The following ANKRD22 variants were observed in gnomAD, a reference collection of about 807,000 sequenced individuals.
The protein encoded by ANKRD22 is ankyrin repeat domain 22, also known as ankyrin repeat domain-containing protein 22.
Under a neutral mutation model 25.7 loss-of-function variants are expected in ANKRD22, and 24 were observed. The observed-to-expected ratio is 0.93, with a 90% CI of 0.68 to 1.31. ANKRD22 has a LOEUF of 1.31. ANKRD22 is among the 50% of genes most tolerant of loss of function. ANKRD22 has a pLI of 0.00. For missense variants in ANKRD22, 214 were observed against 227.1 expected, an observed-to-expected ratio of 0.94 and a Z score of 0.37; for synonymous variants, 84 against 84.3, an observed-to-expected ratio of 1.00 and a Z score of 0.02.
chr10:88,828,848 C>T (rs1178721478), intron 2 of ANKRD22, among the ~76,000 whole-genome samples, 182 bp from the exon 3 acceptor site: 1 of 151,984 alleles, frequency 6.6e-6, no homozygotes, highest in Non-Finnish European at 1.5e-5. Context: ...AGAACTCGGT[C>T]CAGTGTAAAG....
At chr10:88,823,072 C>G in intron 5 of ANKRD22, 54 bp from the exon 6 acceptor site, 2 of 1,547,582 alleles carry the variant, frequency 1.3e-6, no homozygotes, top group African/African-American at 1.4e-5. Context: ...AGATCTCGTA[C>G]GTAGCTTAGA....
At chr10:88,826,211 C>G (rs975222238) in intron 3 of ANKRD22, 96 bp from the exon 4 acceptor site, 3 of 1,023,596 alleles carry the variant, frequency 2.9e-6, no homozygotes, top group Non-Finnish European at 4.4e-6. Context: ...ATTTTAATCC[C>G]AACACTCCTA....
intron 2 of ANKRD22, among the ~76,000 whole-genome samples, chr10:88,830,491 T>A (rs187289667): frequency 1.3e-5 from 2 of 152,170 alleles, no homozygotes; most frequent in African/African-American, 4.8e-5. Flanking sequence ...ATTTCAGACA[T>A]GAGAAATCAC....
Position 88,840,529 on chromosome 10 carries a change from G to A in ANKRD22, c.22-8503C>T, listed in dbSNP as rs895488583. Among the ~76,000 whole-genome samples, 3 of 152,144 alleles carry A rather than the reference G, an allele frequency of 2.0e-5. No homozygotes were observed. In the East Asian group the frequency reaches 5.8e-4, roughly 29 times the overall value. The stretch of plus-strand genomic sequence containing the variant: ...TTCTGTAATTCCCAATCTAAGGAAA[G>A]ACTGTGTAGAACTTTGCCTGTGGCT... On this transcript the variant is annotated intron_variant, in intron 1 of 5. Coordinates refer to ENST00000371930, the MANE Select transcript of ANKRD22 (RefSeq NM_144590.3).
chr10:88,835,659 C>T (rs933093966), intron 1 of ANKRD22, among the ~76,000 whole-genome samples: 6 of 152,172 alleles, frequency 3.9e-5, no homozygotes, highest in African/African-American at 1.4e-4. Context: ...CTGTATAGGG[C>T]AGCTCCATTA....
At chr10:88,848,727 C>G (rs950675669) in intron 1 of ANKRD22, among the ~76,000 whole-genome samples, 1 of 152,168 alleles carries the variant, frequency 6.6e-6, no homozygotes, top group Non-Finnish European at 1.5e-5. Flanking sequence ...GTTCCTGGCA[C>G]AATCAGGTCT....
intron 4 of ANKRD22, among the ~76,000 whole-genome samples, chr10:88,823,673 A>G (rs2133068607): frequency 6.6e-6 from 1 of 150,402 alleles, no homozygotes; most frequent in East Asian, 1.9e-4. Flanking sequence ...TAAAAGATAC[A>G]AAAAATTAGC....
In ANKRD22 at chr10:88,825,011, T is replaced by TCACACA. The variant is rs71022545; in HGVS notation, c.399+1021_399+1026dup. ...CTCTCTCTCTCTCTCTCTCTCTCTC[T>TCACACA]CACACACACACACACACACACACAC... On this transcript the variant is annotated intron_variant, in intron 4 of 5. Coordinates refer to ENST00000371930, the MANE Select transcript of ANKRD22 (RefSeq NM_144590.3). Among the ~76,000 whole-genome samples, 783 of 111,476 alleles carry TCACACA rather than the reference T, an allele frequency of 7.0e-3. 6 individuals carry two copies. The highest frequency in any genetic ancestry group is 0.021 in the African/African-American group (713 of 34,000). The allele number at this position is 111,476 out of a possible 152,430, so 73.1% of individuals were successfully genotyped here. A position where few individuals can be genotyped will look rare whatever the true frequency, so the allele number is the denominator to read the frequency against.
Position 88,820,065 on chromosome 10 carries a change from T to C in ANKRD22, c.*2876A>G, listed in dbSNP as rs1843768071. On this transcript the variant is annotated 3_prime_UTR_variant, in exon 6 of 6. Transcript: ENST00000371930. The stretch of plus-strand genomic sequence containing the variant: ...TTCAATAATGTTAAGTAATTTTACC[T>C]TAAAGTAAGGGCGGGAACAGAAATT... 6.6e-6 allele frequency among the ~76,000 whole-genome samples: 1 copy of C among 152,202 alleles called. No individual in the cohort carries two copies. Among genetic ancestry groups the C allele is most frequent in the South Asian group, 2.1e-4 (1 of 4,834 alleles).
At position 88,851,727 on chromosome 10, in the gene ANKRD22, G is replaced by A; in HGVS notation, c.-120C>T. 1 of 1,181,714 alleles carries A rather than the reference G, an allele frequency of 8.5e-7. No homozygotes were observed. Among genetic ancestry groups the A allele is most frequent in the Non-Finnish European group, 1.3e-6 (1 of 797,666 alleles). 73.2% of individuals were successfully genotyped at this position (1,181,714 alleles called of 1,614,324 possible). A position where few individuals can be genotyped will look rare whatever the true frequency, so the allele number is the denominator to read the frequency against. On this transcript the variant is annotated 5_prime_UTR_variant, in exon 1 of 6. Transcript: ENST00000371930. Reference sequence around the variant, plus strand: ...AAGTCCCTAGAAGTCCAAGCTGGTGGCAAGCTCCAGGAGTGCTTTTCTAGC... The same window carrying A: ...AAGTCCCTAGAAGTCCAAGCTGGTGACAAGCTCCAGGAGTGCTTTTCTAGC...
chr10:88,824,985 G>GCTCT (rs142353847), intron 4 of ANKRD22, among the ~76,000 whole-genome samples: 11,682 of 140,802 alleles, frequency 0.083, 663 homozygotes, highest in Non-Finnish European at 0.13. Flanking sequence ...ATTTTCTTTT[G>GCTCT]CTCTCTCTCT....
intron 1 of ANKRD22, among the ~76,000 whole-genome samples, chr10:88,847,158 G>GT (rs761388331): frequency 1.3e-5 from 2 of 152,008 alleles, no homozygotes; most frequent in African/African-American, 2.4e-5. Context: ...TTTGTGGAAT[G>GT]TTTTTTTACA....
rs1843878013 is a variant in ANKRD22 at position 88,828,684 on chromosome 10, G to T, written c.214-18C>A. The T allele has an allele frequency of 6.6e-7, 1 of 1,511,644 alleles. No individual in the cohort carries two copies. Among genetic ancestry groups the T allele is most frequent in the South Asian group, 1.2e-5 (1 of 84,370 alleles). The allele number at this position is 1,511,644 out of a possible 1,614,324, so 93.6% of individuals were successfully genotyped here. ...CTCTCTTTCTAAAAATTAAGAAAAGGATTCTTTACTAATAAAGCATTTCAA... is the reference window on the plus strand; with the variant it reads ...CTCTCTTTCTAAAAATTAAGAAAAGTATTCTTTACTAATAAAGCATTTCAA... On this transcript the variant is annotated intron_variant, in intron 2 of 5. Coordinates refer to ENST00000371930, the MANE Select transcript of ANKRD22 (RefSeq NM_144590.3).
chr10:88,833,586 CAT>C (rs558755170), intron 1 of ANKRD22, among the ~76,000 whole-genome samples: 30 of 152,264 alleles, frequency 2.0e-4, no homozygotes, highest in South Asian at 4.1e-4. Context: ...GAGGTTCTAA[CAT>C]AGCCAAATAT....
At chr10:88,837,446 A>C (rs1443770780) in intron 1 of ANKRD22, among the ~76,000 whole-genome samples, 1 of 152,216 alleles carries the variant, frequency 6.6e-6, no homozygotes, top group East Asian at 1.9e-4. Flanking sequence ...AAGAGATGAT[A>C]GGATAGAGAG....
At position 88,845,366 on chromosome 10, in the gene ANKRD22, C is replaced by T. The variant is rs75218427; in HGVS notation, c.21+6221G>A. Among the ~76,000 whole-genome samples, 432 of 152,154 alleles carry T rather than the reference C, an allele frequency of 2.8e-3. 2 individuals are homozygous for T. Among genetic ancestry groups the T allele is most frequent in the African/African-American group, 9.6e-3 (400 of 41,512 alleles). The stretch of plus-strand genomic sequence containing the variant: ...ATTCTTTCCATGTCTAAACTCATCC[C>T]TTCTCTTGGCGTTAAATACCATGTA... On this transcript the variant is annotated intron_variant, in intron 1 of 5. Coordinates refer to ENST00000371930, the MANE Select transcript of ANKRD22 (RefSeq NM_144590.3).
At chr10:88,848,725 C>G (rs563539418) in intron 1 of ANKRD22, among the ~76,000 whole-genome samples, 33 of 152,162 alleles carry the variant, frequency 2.2e-4, no homozygotes, top group Non-Finnish European at 4.6e-4. Context: ...AAGTTCCTGG[C>G]ACAATCAGGT....
chr10:88,829,951 CTTA>C (rs1843889208), intron 2 of ANKRD22, among the ~76,000 whole-genome samples: 1 of 151,992 alleles, frequency 6.6e-6, no homozygotes, highest in Non-Finnish European at 1.5e-5. Flanking sequence ...TAATTTTTTA[CTTA>C]TTATTATTTT....
chr10:88,838,391 A>G (rs981352744), intron 1 of ANKRD22, among the ~76,000 whole-genome samples: 1 of 152,238 alleles, frequency 6.6e-6, no homozygotes, highest in African/African-American at 2.4e-5. Context: ...TGTAAGCCAG[A>G]TAAAGACAAA....
Sources: allele counts gnomAD v4.1 joint callset (sites outside exome capture counted in the v4.1 genomes callset), GRCh38; gene constraint gnomAD v4.1.1; transcripts MANE v1.5; gene names NCBI Gene and HGNC (gene_info 2026-07-23, HGNC 2026-07-21).